Variants in CPVL observed in about 807,000 individuals in gnomAD.
CPVL encodes the protein carboxypeptidase vitellogenic like, also known as probable serine carboxypeptidase CPVL.
CPVL carries 51 observed loss-of-function variants against 63.7 expected under a neutral mutation model. The observed-to-expected ratio is 0.80, with a 90% CI of 0.64 to 1.01. The LOEUF is 1.01. Among genes scored for constraint, CPVL ranks in the 50% least tolerant of loss-of-function variants. CPVL has a pLI of 0.00. For missense variants in CPVL, 530 were observed against 573.1 expected (o/e 0.92, Z 0.77); for synonymous variants, 195 against 206.0 (o/e 0.95, Z 0.46).
intron 6 of CPVL, among the ~76,000 whole-genome samples, chr7:29,088,375 G>A (rs1313693950): frequency 6.6e-6 from 1 of 152,054 alleles, no homozygotes; most frequent in African/African-American, 2.4e-5. Flanking sequence ...CTCGAAAATG[G>A]CAGGATTCTC....
In CPVL at chr7:29,086,616, A is replaced by C. The variant is rs111413063; in HGVS notation, c.543-66T>G. The C allele has an allele frequency of 1.0e-3, 1,215 of 1,177,022 alleles. 11 individuals are homozygous for C. The African/African-American group carries it at 0.014, about 13-fold the overall frequency. 72.9% of individuals were successfully genotyped at this position (1,177,022 alleles called of 1,614,324 possible). A position where few individuals can be genotyped will look rare whatever the true frequency, so the allele number is the denominator to read the frequency against. ...AAATGATTCAGGATCTCTTCATGCTAGGATATCAAATCTAACTCTTTGGCA... is the reference window on the plus strand; with the variant it reads ...AAATGATTCAGGATCTCTTCATGCTCGGATATCAAATCTAACTCTTTGGCA... On this transcript the variant is annotated intron_variant, in intron 6 of 12. Transcript: ENST00000265394.
exon 1 of CPVL, chr7:29,195,191 C>CAG (rs1783521826): frequency 2.0e-6 from 1 of 503,706 alleles, no homozygotes; most frequent in South Asian, 3.2e-5. Context: ...TCTGACAGCG[C>CAG]AGAGGTGGGA....
chr7:29,150,756 T>C (rs538351178), upstream of CPVL, among the ~76,000 whole-genome samples: 2 of 152,322 alleles, frequency 1.3e-5, no homozygotes, highest in South Asian at 4.1e-4. Context: ...TCTATAGCCA[T>C]TGTTCCTTTT....
At chr7:29,169,285 A>G (rs1270853487) in intron 5 of CPVL, among the ~76,000 whole-genome samples, 1 of 152,236 alleles carries the variant, frequency 6.6e-6, no homozygotes, top group Non-Finnish European at 1.5e-5. Flanking sequence ...AGAACATTCT[A>G]TTATTCAATC....
At chr7:29,096,372 A>G (rs888389822) in intron 3 of CPVL, 155 bp from the exon 4 acceptor site, 22 of 628,016 alleles carry the variant, frequency 3.5e-5, no homozygotes, top group Non-Finnish European at 5.7e-5. Flanking sequence ...CTCCACTATG[A>G]GCAAAGTACT....
At chr7:29,170,781 G>T (rs1353361255) in intron 5 of CPVL, among the ~76,000 whole-genome samples, 1 of 152,162 alleles carries the variant, frequency 6.6e-6, no homozygotes, top group Non-Finnish European at 1.5e-5. Context: ...CATATGGCTG[G>T]TGGGGGGGCC....
At chr7:29,128,032 T>C (rs914080747) in intron 1 of CPVL, 5 of 151,960 alleles carry the variant, frequency 3.3e-5, no homozygotes, top group Non-Finnish European at 7.4e-5. Flanking sequence ...CCATGAACCT[T>C]GTGATGGATG....
chr7:29,123,902 C>A lies in CPVL; in HGVS notation c.-10-2831G>T, dbSNP rs182648962. ...AAAAAGGAAAACAGGTAAAACTGGTCCTGTTTTAATTGATATAAATCTAAT... is the reference window on the plus strand; with the variant it reads ...AAAAAGGAAAACAGGTAAAACTGGTACTGTTTTAATTGATATAAATCTAAT... On this transcript the variant is annotated intron_variant, in intron 1 of 12. Transcript: ENST00000265394. Among the ~76,000 whole-genome samples, 269 of 151,696 alleles carry A rather than the reference C, an allele frequency of 1.8e-3. 1 individual carries two copies. The highest frequency in any genetic ancestry group is 6.4e-3 in the African/African-American group (263 of 41,394).
intron 12 of CPVL, among the ~76,000 whole-genome samples, chr7:29,013,794 G>T (rs1786102529): frequency 6.6e-6 from 1 of 152,226 alleles, no homozygotes; most frequent in Admixed American, 6.5e-5. Context: ...GCTCCTTCGG[G>T]GTCTGCCTCA....
At chr7:29,008,198 G>A (rs897640195) in intron 12 of CPVL, among the ~76,000 whole-genome samples, 21 of 152,156 alleles carry the variant, frequency 1.4e-4, no homozygotes, top group African/African-American at 5.1e-4. Flanking sequence ...ATGGTATTTT[G>A]TTTTTCAACA....
intron 6 of CPVL, among the ~76,000 whole-genome samples, chr7:29,091,906 G>A (rs1173194964): frequency 6.6e-6 from 1 of 152,150 alleles, no homozygotes; most frequent in Admixed American, 6.5e-5. Flanking sequence ...CAGAGTGCTT[G>A]GTGGAGGTGT....
At chr7:29,020,970 G>A (rs1786908335) in intron 12 of CPVL, among the ~76,000 whole-genome samples, 1 of 152,154 alleles carries the variant, frequency 6.6e-6, no homozygotes, top group Non-Finnish European at 1.5e-5. Context: ...GAGGTCAGGA[G>A]TTCGAGAACA....
rs147392298 is a variant in CPVL, at chr7:29,123,524, C to T, written c.-10-2453G>A. Reference sequence around the variant, plus strand: ...TTTTTAAATTACTTGAACTTGTTTACACTGATGCTTTTATAGCACAGCTAC... The same window carrying T: ...TTTTTAAATTACTTGAACTTGTTTATACTGATGCTTTTATAGCACAGCTAC... On this transcript the variant is annotated intron_variant, in intron 1 of 12. Transcript: ENST00000265394. Among the ~76,000 whole-genome samples, 552 of 134,748 alleles carry T rather than the reference C, an allele frequency of 4.1e-3. 2 individuals carry two copies. Among genetic ancestry groups the T allele is most frequent in the Non-Finnish European group, 7.4e-3 (485 of 65,264 alleles). 88.4% of individuals were successfully genotyped at this position (134,748 alleles called of 152,430 possible).
At chr7:29,170,044 G>C (rs1393483672) in intron 5 of CPVL, among the ~76,000 whole-genome samples, 1 of 151,974 alleles carries the variant, frequency 6.6e-6, no homozygotes, top group South Asian at 2.1e-4. Context: ...CCCAGCTGTG[G>C]TGTCCTTTTG....
intron 9 of CPVL, among the ~76,000 whole-genome samples, chr7:29,070,486 C>T (rs1400983822): frequency 6.6e-6 from 1 of 152,206 alleles, no homozygotes; most frequent in African/African-American, 2.4e-5. Context: ...AGTTTCACTC[C>T]TTCGTCCCCT....
intron 2 of CPVL, among the ~76,000 whole-genome samples, chr7:29,117,535 T>TG (rs1788896260): frequency 6.6e-6 from 1 of 152,226 alleles, no homozygotes; most frequent in African/African-American, 2.4e-5. Flanking sequence ...GTTCATATCA[T>TG]GGGCTCTGGG....
intron 9 of CPVL, among the ~76,000 whole-genome samples, chr7:29,068,690 TTTTC>T (rs1225869306): frequency 4.0e-5 from 6 of 151,194 alleles, no homozygotes; most frequent in East Asian, 1.9e-4. Context: ...TTCTTTTTTT[TTTTC>T]TTTGTTTTTT....
In CPVL at chr7:29,152,996, C is replaced by T. The variant is rs140547514; in HGVS notation, c.-11+28294G>A. ...GAGGGGTGGCCAAAGGCCATGCTTA[C>T]AGAGCTGGGATGCACAGGGAAGGAT... On this transcript the variant is annotated intron_variant, in intron 5 of 16. Coordinates refer to the CPVL transcript ENST00000409850. Among the ~76,000 whole-genome samples, 1,322 of 152,340 alleles carry T rather than the reference C, an allele frequency of 8.7e-3. 23 individuals carry two copies. Among genetic ancestry groups the T allele is most frequent in the African/African-American group, 0.03 (1,254 of 41,580 alleles).
chr7:29,023,844 T>A (rs1787244031), intron 12 of CPVL, among the ~76,000 whole-genome samples: 1 of 152,180 alleles, frequency 6.6e-6, no homozygotes, highest in East Asian at 1.9e-4. Context: ...TTGGAAAACA[T>A]CTTTCCTACA....
Sources: gnomAD v4.1 joint callset for allele counts (sites outside exome capture counted in the v4.1 genomes callset) on GRCh38, gnomAD v4.1.1 for gene constraint, MANE v1.5 for transcripts, NCBI Gene and HGNC (gene_info 2026-07-23, HGNC 2026-07-21) for gene names.